Variants in ZNF548 observed in about 807,000 individuals in gnomAD.
The protein encoded by ZNF548 is zinc finger protein 548.
In ZNF548, 10 loss-of-function variants were observed where a neutral mutation model predicts 10.2. The ratio of observed to expected loss-of-function variants is 0.98; its 90% CI spans 0.60 to 1.66. The LOEUF (loss-of-function observed/expected upper bound fraction) is 1.66, where lower values mean the gene tolerates loss of function less well. Among genes scored for constraint, ZNF548 ranks in the 40% most tolerant of loss-of-function variants. The probability of loss-of-function intolerance (pLI) is 0.00; values close to 1 mark genes in which losing one functional copy is unlikely to be tolerated. For missense variants in ZNF548, 599 were observed against 657.0 expected (o/e 0.91, Z 0.97); for synonymous variants, 217 against 223.5 (o/e 0.97, Z 0.26).
Position 57,402,562 on chromosome 19 carries a change from G to T in ZNF548, c.*2673G>T, listed in dbSNP as rs1415667253. On this transcript the variant is annotated 3_prime_UTR_variant, in exon 4 of 4. Coordinates refer to ENST00000336128, the MANE Select transcript of ZNF548 (RefSeq NM_001172773.2). ...ATTTTGTGTATCCAAGTGACATTGG[G>T]TTGTTTCTTGCTATCAGAAGAACCC... 2.0e-5 allele frequency: 3 copies of T among 152,190 alleles called. No homozygotes were observed. The highest frequency in any genetic ancestry group is 7.2e-5 in the African/African-American group (3 of 41,436). The allele number at this position is 152,190 out of a possible 1,614,324, so 9.4% of individuals were successfully genotyped here.
At chr19:57,393,671 A>AGAGGAGAGGG (rs2088643182) in intron 1 of ZNF548, among the ~76,000 whole-genome samples, 1 of 99,470 alleles carries the variant, frequency 1.0e-5, no homozygotes, top group African/African-American at 3.9e-5. Context: ...ACAATAGAGG[A>AGAGGAGAGGG]GAGGAGAGGG....
In ZNF548 at chr19:57,397,065, G is replaced by A. The variant is rs778987652; in HGVS notation, c.69G>A (p.Glu23=). 5.6e-6 allele frequency: 9 copies of A among 1,612,494 alleles called. No individual in the cohort carries two copies. Among genetic ancestry groups the A allele is most frequent in the South Asian group, 4.4e-5 (4 of 90,960 alleles). The change falls in exon 3 of 4, where the codon GAG becomes GAA. Residue 23 remains glutamate (E), a synonymous_variant. Coordinates refer to ENST00000336128, the MANE Select transcript of ZNF548 (RefSeq NM_001172773.2). ...TTTGGCAGGGCCGTGTGGTCTTTGA[G>A]GACGTGGCCATATATTTCTCCCAGG... is the stretch of plus-strand genomic sequence containing the variant. ...MDPTQGRVVF[E]DVAIYFSQEE...
At chr19:57,392,183 G>C (rs1170005675) in intron 1 of ZNF548, among the ~76,000 whole-genome samples, 1 of 152,092 alleles carries the variant, frequency 6.6e-6, no homozygotes, top group Non-Finnish European at 1.5e-5. Context: ...GTAAATTCTG[G>C]ATATTAGTAC....
At position 57,399,847 on chromosome 19, in the gene ZNF548, A is replaced by G; in HGVS notation, c.1596A>G (p.Ser532=). 1 of 1,610,830 alleles carries G rather than the reference A, an allele frequency of 6.2e-7. No homozygotes were observed. Among genetic ancestry groups the G allele is most frequent in the South Asian group, 1.1e-5 (1 of 90,872 alleles). Residue 532 remains serine, a synonymous_variant, in exon 4 of 4, where the codon TCA becomes TCG. Coordinates refer to ENST00000336128, the MANE Select transcript of ZNF548 (RefSeq NM_001172773.2). This position sits in a 1 kb window ranked among gnomAD's most constrained non-coding sequence, Gnocchi z 4.0. ...VGNSLAKTPT[S]LNIRDFTMEK... ...ATTCTTTAGCTAAAACTCCAACCTC[A>G]TTAAACATCAGAGATTTCACAATGG... is the stretch of plus-strand genomic sequence containing the variant.
At chr19:57,391,156 A>T (rs886765037) in intron 1 of ZNF548, among the ~76,000 whole-genome samples, 4 of 151,078 alleles carry the variant, frequency 2.6e-5, no homozygotes, top group Admixed American at 6.6e-5. Flanking sequence ...GTCATTCCAC[A>T]CTCTTTGTCC....
chr19:57,392,461 A>T (rs1465865747), intron 1 of ZNF548, among the ~76,000 whole-genome samples: 7 of 151,860 alleles, frequency 4.6e-5, no homozygotes, highest in African/African-American at 1.7e-4. Flanking sequence ...TGATTTTTGT[A>T]TATGGCAAGA....
At chr19:57,394,346 G>C in intron 2 of ZNF548, 123 bp downstream of exon 2, 1 of 1,013,880 alleles carries the variant, frequency 9.9e-7, no homozygotes, top group South Asian at 1.5e-5. Flanking sequence ...TCACCAGTTA[G>C]TTTCAGTATT....
At chr19:57,390,614 T>C (rs2088616868) in intron 1 of ZNF548, 1 of 153,814 alleles carries the variant, frequency 6.5e-6, no homozygotes, top group Admixed American at 6.5e-5. Context: ...GCCTGAAAGA[T>C]AGGGCCCGTA....
intron 1 of ZNF548, 65 bp from the exon 2 acceptor site, chr19:57,394,123 G>A (rs1392488247): frequency 1.6e-5 from 24 of 1,529,666 alleles, no homozygotes; most frequent in Non-Finnish European, 2.0e-5. Flanking sequence ...CGAGGTGGTG[G>A]TCCATCTCAG....
At chr19:57,390,274 A>G (rs1244038969) in intron 1 of ZNF548, 160 bp downstream of exon 1, 1 of 712,744 alleles carries the variant, frequency 1.4e-6, no homozygotes, top group Non-Finnish European at 2.2e-6. Flanking sequence ...AGCTCCCGTT[A>G]GGGACCTCAG....
chr19:57,393,418 T>C (rs1374594621), intron 1 of ZNF548, among the ~76,000 whole-genome samples: 1 of 151,356 alleles, frequency 6.6e-6, no homozygotes, highest in Non-Finnish European at 1.5e-5. Context: ...CCCAGCACTT[T>C]GGGAGGCCGA....
At chr19:57,392,113 A>G (rs562632569) in intron 1 of ZNF548, among the ~76,000 whole-genome samples, 1 of 151,076 alleles carries the variant, frequency 6.6e-6, no homozygotes, top group East Asian at 1.9e-4. Flanking sequence ...GCTTACTGTT[A>G]ATGAGATTTT....
rs558251664 is a variant in ZNF548 at position 57,400,179 on chromosome 19, G to A, written c.*290G>A. On this transcript the variant is annotated 3_prime_UTR_variant, in exon 4 of 4. Transcript: ENST00000336128. Reference sequence around the variant, plus strand: ...ATTTCACTTAGGATAAGGTCTTCACGGTTCACCCATGTTGTATAATGTGTC... The same window carrying A: ...ATTTCACTTAGGATAAGGTCTTCACAGTTCACCCATGTTGTATAATGTGTC... The A allele has an allele frequency of 3.0e-5, 9 of 304,784 alleles. 1 individual carries two copies. Among genetic ancestry groups the A allele is most frequent in the South Asian group, 1.8e-4 (2 of 11,080 alleles). The allele number at this position is 304,784 out of a possible 1,614,324, so 18.9% of individuals were successfully genotyped here.
Position 57,398,638 on chromosome 19 carries a change from G to A in ZNF548, c.387G>A (p.Glu129=), listed in dbSNP as rs1415867433. The change falls in exon 4 of 4, where the codon GAG becomes GAA. Residue 129 remains glutamate, a synonymous_variant. Transcript: ENST00000336128. The part of the protein sequence containing the change: ...PEQHIYICEA[E]LFQHPKQQIG... ...AACACATATATATTTGTGAGGCAGA[G>A]CTTTTTCAGCACCCAAAGCAGCAAA... is the stretch of plus-strand genomic sequence containing the variant. 1 of 1,614,058 alleles carries A rather than the reference G, an allele frequency of 6.2e-7. No individual in the cohort carries two copies. The highest frequency in any genetic ancestry group is 1.7e-5 in the Admixed American group (1 of 60,032).
chr19:57,396,489 T>G (rs529517977), intron 2 of ZNF548, among the ~76,000 whole-genome samples: 2 of 152,272 alleles, frequency 1.3e-5, no homozygotes, highest in African/African-American at 4.8e-5. Flanking sequence ...AATGGAGGCG[T>G]AGGGGACAGC....
chr19:57,393,533 GC>G (rs1326939696), intron 1 of ZNF548, among the ~76,000 whole-genome samples: 1 of 151,682 alleles, frequency 6.6e-6, no homozygotes, highest in Admixed American at 6.6e-5. Context: ...GGTGGCGCAT[GC>G]CTGTAATCCC....
chr19:57,393,935 A>G, intron 1 of ZNF548: 2 of 585,202 alleles, frequency 3.4e-6, no homozygotes, highest in East Asian at 2.9e-5. Flanking sequence ...CATGCTACTG[A>G]TGTTTGATAC....
At chr19:57,393,544 C>A (rs978418917) in intron 1 of ZNF548, among the ~76,000 whole-genome samples, 1 of 151,624 alleles carries the variant, frequency 6.6e-6, no homozygotes, top group Non-Finnish European at 1.5e-5. Context: ...CCTGTAATCC[C>A]AGCTTCTCAG....
chr19:57,401,138 C>T lies in ZNF548; in HGVS notation c.*1249C>T, dbSNP rs1232233286. 6.6e-6 allele frequency: 1 copy of T among 152,090 alleles called. No homozygotes were observed. Among genetic ancestry groups the T allele is most frequent in the Non-Finnish European group, 1.5e-5 (1 of 68,034 alleles). The allele number at this position is 152,090 out of a possible 1,614,324, so 9.4% of individuals were successfully genotyped here. ...CCAAATATATGCTTTTTACATATTA[C>T]CTCCCAGTCCATAGGTTGCTTTTTC... is the stretch of plus-strand genomic sequence containing the variant. On this transcript the variant is annotated 3_prime_UTR_variant, in exon 4 of 4. Coordinates refer to ENST00000336128, the MANE Select transcript of ZNF548 (RefSeq NM_001172773.2).
Sources: allele counts gnomAD v4.1 joint callset (sites outside exome capture counted in the v4.1 genomes callset), GRCh38; gene constraint gnomAD v4.1.1; non-coding constraint Gnocchi (gnomAD v3.1); transcripts MANE v1.5; gene names NCBI Gene and HGNC (gene_info 2026-07-23, HGNC 2026-07-21).